Variants in SMOC2 observed in about 807,000 individuals in gnomAD.
The protein encoded by SMOC2 is SPARC related modular calcium binding 2.
Under a neutral mutation model 61.4 loss-of-function variants are expected in SMOC2, and 39 were observed. That is an observed-to-expected ratio of 0.64 (90% confidence interval 0.49 to 0.83). The LOEUF (loss-of-function observed/expected upper bound fraction) is 0.83. Among genes scored for constraint, SMOC2 ranks in the 40% least tolerant of loss-of-function variants. The pLI, the probability that SMOC2 is intolerant of heterozygous loss-of-function variation, is 0.00. For missense variants in SMOC2, 556 were observed against 592.9 expected, an observed-to-expected ratio of 0.94 and a Z score of 0.65; for synonymous variants, 247 against 239.9, an observed-to-expected ratio of 1.03 and a Z score of -0.27.
At chr6:168,480,345 C>T (rs1029821532) in intron 1 of SMOC2, among the ~76,000 whole-genome samples, 6 of 151,410 alleles carry the variant, frequency 4.0e-5, no homozygotes, top group Admixed American at 1.3e-4. Flanking sequence ...TAACGATGCT[C>T]AAAGAACTAA....
chr6:168,554,345 C>T (rs1784197304), intron 7 of SMOC2, among the ~76,000 whole-genome samples: 1 of 152,234 alleles, frequency 6.6e-6, no homozygotes, highest in Non-Finnish European at 1.5e-5. Flanking sequence ...CTTGGGGTGT[C>T]CTACTACTAT....
chr6:168,628,811 G>T (rs935627194), intron 9 of SMOC2, among the ~76,000 whole-genome samples: 1 of 152,226 alleles, frequency 6.6e-6, no homozygotes, highest in Non-Finnish European at 1.5e-5. Flanking sequence ...GCCTTTGAGC[G>T]TGGTGCCCCG....
At chr6:168,660,990 T>C (rs1041597320) in intron 11 of SMOC2, among the ~76,000 whole-genome samples, 1 of 152,208 alleles carries the variant, frequency 6.6e-6, no homozygotes, top group African/African-American at 2.4e-5. Context: ...AGAAAGAATA[T>C]GATCGCTCCT....
intron 7 of SMOC2, among the ~76,000 whole-genome samples, chr6:168,549,957 AAGCAGTGTTTGAGAG>A (rs1264985169): frequency 6.6e-6 from 1 of 152,178 alleles, no homozygotes; most frequent in Non-Finnish European, 1.5e-5. Context: ...GTTTGCTATA[AAGCAGTGTTTGAGAG>A]AACTTTCACC....
chr6:168,518,749 A>G (rs1583074309), intron 2 of SMOC2, among the ~76,000 whole-genome samples: 1 of 148,538 alleles, frequency 6.7e-6, no homozygotes, highest in East Asian at 2.1e-4. Flanking sequence ...GTGAATGTGC[A>G]TGTGTGTGTG....
At chr6:168,445,241 C>T (rs1178677342) in intron 1 of SMOC2, among the ~76,000 whole-genome samples, 1 of 152,194 alleles carries the variant, frequency 6.6e-6, no homozygotes, top group Non-Finnish European at 1.5e-5. Context: ...TACAATTCCA[C>T]ACTGCCGTTT....
chr6:168,623,482 CTTATTTATTTATTTAT>C (rs146563724), intron 9 of SMOC2, among the ~76,000 whole-genome samples: 28,189 of 146,412 alleles, frequency 0.19, 3,393 homozygotes, highest in Non-Finnish European at 0.26. Flanking sequence ...CCCCACCTGG[CTTATTTATTTATTTAT>C]TTATTTATTT....
intron 1 of SMOC2, among the ~76,000 whole-genome samples, chr6:168,486,685 G>A (rs1052283112): frequency 1.3e-5 from 2 of 151,728 alleles, no homozygotes; most frequent in African/African-American, 2.4e-5. Context: ...CTGTTTTGGA[G>A]GCTGATGATA....
chr6:168,459,408 G>C (rs1781664724), intron 1 of SMOC2, among the ~76,000 whole-genome samples: 1 of 152,164 alleles, frequency 6.6e-6, no homozygotes, highest in African/African-American at 2.4e-5. Flanking sequence ...CATCGGGAAG[G>C]GTATTCTCCG....
intron 7 of SMOC2, among the ~76,000 whole-genome samples, chr6:168,591,901 T>C (rs1033760107): frequency 6.6e-6 from 1 of 152,176 alleles, no homozygotes; most frequent in African/African-American, 2.4e-5. Flanking sequence ...TCATTATTAC[T>C]TTTTTTCTGA....
rs978121111 is a variant in SMOC2 at position 168,463,307 on chromosome 6, G to A, written c.84+21853G>A. Among the ~76,000 whole-genome samples, 18 of 152,286 alleles carry A rather than the reference G, an allele frequency of 1.2e-4. No individual in the cohort carries two copies. The South Asian group carries it at 2.3e-3, about 19-fold the overall frequency. ...GCGCTGGCTGTGGCGAAATCAAGGC[G>A]TTAGAAGATGATGCCTCTAGAAAGC... is the stretch of plus-strand genomic sequence containing the variant. On this transcript the variant is annotated intron_variant, in intron 1 of 12. Coordinates refer to ENST00000356284, the MANE Select transcript of SMOC2 (RefSeq NM_001166412.2).
At chr6:168,474,480 G>A (rs928828255) in intron 1 of SMOC2, among the ~76,000 whole-genome samples, 4 of 152,116 alleles carry the variant, frequency 2.6e-5, no homozygotes, top group African/African-American at 7.2e-5. Context: ...TCTCTCTGCT[G>A]GTGTGGTCTG....
intron 7 of SMOC2, among the ~76,000 whole-genome samples, chr6:168,591,893 A>G (rs1785189609): frequency 6.6e-6 from 1 of 152,282 alleles, no homozygotes; most frequent in South Asian, 2.1e-4. Flanking sequence ...GTAATCATTC[A>G]TTATTACTTT....
intron 7 of SMOC2, among the ~76,000 whole-genome samples, chr6:168,565,215 G>A (rs1263054586): frequency 1.3e-5 from 2 of 152,152 alleles, no homozygotes; most frequent in Non-Finnish European, 2.9e-5. Context: ...ATGTGAATAC[G>A]GTGTATTAAT....
intron 9 of SMOC2, among the ~76,000 whole-genome samples, chr6:168,647,623 G>C (rs6937595): frequency 2.0e-5 from 3 of 152,026 alleles, no homozygotes; most frequent in Non-Finnish European, 2.9e-5. Context: ...CTCAAGCCTC[G>C]TTGCTCCTCT....
At chr6:168,599,299 C>CCACA (rs148009987) in intron 8 of SMOC2, among the ~76,000 whole-genome samples, 10 of 129,924 alleles carry the variant, frequency 7.7e-5, no homozygotes, top group Non-Finnish European at 1.3e-4. Flanking sequence ...CACACACATA[C>CCACA]CACACACACA....
intron 1 of SMOC2, among the ~76,000 whole-genome samples, chr6:168,501,363 A>T (rs1230082320): frequency 6.6e-6 from 1 of 152,166 alleles, no homozygotes; most frequent in South Asian, 2.1e-4. Flanking sequence ...TTGGAAAAGG[A>T]GAAGAGAGTT....
intron 9 of SMOC2, among the ~76,000 whole-genome samples, chr6:168,622,245 T>C (rs919614579): frequency 6.6e-6 from 1 of 152,016 alleles, no homozygotes; most frequent in Non-Finnish European, 1.5e-5. Context: ...GGATTACAGG[T>C]GTGAGCCACT....
intron 1 of SMOC2, among the ~76,000 whole-genome samples, chr6:168,445,760 C>A (rs949379165): frequency 1.3e-5 from 2 of 152,186 alleles, no homozygotes; most frequent in African/African-American, 4.8e-5. Flanking sequence ...TCAAAATTTT[C>A]CAACTTAGAA....
Sources: allele counts gnomAD v4.1 joint callset (sites outside exome capture counted in the v4.1 genomes callset), GRCh38; gene constraint gnomAD v4.1.1; transcripts MANE v1.5; gene names NCBI Gene and HGNC (gene_info 2026-07-23, HGNC 2026-07-21).